ARMC2: variants seen among roughly 807,000 people sequenced by gnomAD.
ARMC2 encodes the protein armadillo repeat containing 2, also known as armadillo repeat-containing protein 2.
Under a neutral mutation model 90.3 loss-of-function variants are expected in ARMC2, and 67 were observed. The ratio of observed to expected loss-of-function variants is 0.74; its 90% CI spans 0.61 to 0.91. The LOEUF (loss-of-function observed/expected upper bound fraction) is 0.91. Among genes scored for constraint, ARMC2 ranks in the 40% least tolerant of loss-of-function variants. The pLI is 0.00. For missense variants in ARMC2, 920 were observed against 1,030.9 expected, an observed-to-expected ratio of 0.89 and a Z score of 1.47; for synonymous variants, 393 against 393.0, an observed-to-expected ratio of 1.00 and a Z score of 0.00.
chr6:108,972,993 C>T (rs1376684636), intron 17 of ARMC2, among the ~76,000 whole-genome samples: 1 of 151,980 alleles, frequency 6.6e-6, no homozygotes, highest in Non-Finnish European at 1.5e-5. Context: ...AAAATATTGC[C>T]CATTTAAATT....
At chr6:108,964,411 ATT>A in intron 16 of ARMC2, 99 bp downstream of exon 16, 2 of 1,368,082 alleles carry the variant, frequency 1.5e-6, no homozygotes, top group South Asian at 2.9e-5. Context: ...GGGCAAAGGT[ATT>A]TCAACATTGG....
chr6:109,046,294 G>A, the ARMC2 span, among the ~76,000 whole-genome samples: 5,417 of 150,682 alleles, frequency 0.036, 164 homozygotes, highest in African/African-American at 0.078. Flanking sequence ...TGTGTTGGCC[G>A]GGCCGGTCTC....
At chr6:109,006,170 A>G in the ARMC2 span, among the ~76,000 whole-genome samples, 1 of 152,232 alleles carries the variant, frequency 6.6e-6, no homozygotes, top group South Asian at 2.1e-4. Context: ...TAAAGTTTAG[A>G]AAGAGTATTT....
At chr6:108,989,395 A>C in the ARMC2 span, among the ~76,000 whole-genome samples, 21 of 150,830 alleles carry the variant, frequency 1.4e-4, no homozygotes, top group Non-Finnish European at 2.5e-4. Context: ...CTCTCTCTCT[A>C]TATATAGATA....
chr6:108,852,731 G>A (rs1329795774), intron 1 of ARMC2, among the ~76,000 whole-genome samples: 2 of 152,152 alleles, frequency 1.3e-5, no homozygotes, highest in African/African-American at 4.8e-5. Flanking sequence ...TGAGGCCAAA[G>A]GGGTGGCAAA....
rs1477780921 is a variant in ARMC2, at chr6:108,868,321, A to G, written c.292-503A>G. 3.3e-5 allele frequency among the ~76,000 whole-genome samples: 5 copies of G among 152,166 alleles called. No homozygotes were observed. The East Asian group carries it at 7.8e-4, about 24-fold the overall frequency. ...AACCTCCAACTCCTGGGTTCAAGCA[A>G]TTCTCCTGCCTCAGCCTACTGAGTA... On this transcript the variant is annotated intron_variant, in intron 3 of 17. Coordinates refer to ENST00000392644, the MANE Select transcript of ARMC2 (RefSeq NM_032131.6).
In ARMC2 at chr6:108,953,281, C is replaced by A. The variant is rs757754475; in HGVS notation, c.1845C>A (p.Ala615=). ...TGACTCGTGTGCTGGCCAACATTGC[C>A]ATCCACCCGGGCGTGGGCCCGGTGC... is the stretch of plus-strand genomic sequence containing the variant. ...IKLTRVLANI[A]IHPGVGPVLA... Residue 615 remains alanine, a synonymous_variant, in exon 13 of 18, where the codon GCC becomes GCA. Transcript: ENST00000392644. 2 of 1,612,698 alleles carry A rather than the reference C, an allele frequency of 1.2e-6. No homozygotes were observed. The highest frequency in any genetic ancestry group is 1.7e-6 in the Non-Finnish European group (2 of 1,179,880).
intron 12 of ARMC2, among the ~76,000 whole-genome samples, 167 bp downstream of exon 12, chr6:108,937,166 AAGG>A (rs1776021938): frequency 1.3e-5 from 2 of 152,196 alleles, no homozygotes. Flanking sequence ...ATAGGAGTTG[AAGG>A]AGTTATATGA....
the ARMC2 span, among the ~76,000 whole-genome samples, chr6:108,986,121 T>G: frequency 6.6e-6 from 1 of 152,218 alleles, no homozygotes; most frequent in Non-Finnish European, 1.5e-5. Flanking sequence ...TATTTCTACT[T>G]GTCTGATGAG....
chr6:108,874,439 A>G (rs1776741238), intron 4 of ARMC2, among the ~76,000 whole-genome samples: 1 of 152,246 alleles, frequency 6.6e-6, no homozygotes. Flanking sequence ...ACGGTAGGCT[A>G]AAAATACTTT....
At chr6:108,873,357 A>T (rs1210741890) in intron 4 of ARMC2, among the ~76,000 whole-genome samples, 2 of 151,790 alleles carry the variant, frequency 1.3e-5, no homozygotes, top group African/African-American at 4.8e-5. Context: ...GTGGCGGGGG[A>T]TGACATCCCA....
chr6:109,052,985 G>A, the ARMC2 span, among the ~76,000 whole-genome samples: 1 of 152,048 alleles, frequency 6.6e-6, no homozygotes, highest in African/African-American at 2.4e-5. Context: ...TAAATGTTAG[G>A]AATAAGAGGT....
intron 3 of ARMC2, among the ~76,000 whole-genome samples, chr6:108,862,594 A>AT (rs1480863215): frequency 6.6e-6 from 1 of 151,914 alleles, no homozygotes; most frequent in African/African-American, 2.4e-5. Flanking sequence ...TTATCACTTC[A>AT]TTTTTTTAAA....
At chr6:108,970,494 CTTTT>C (rs1156823883) in intron 17 of ARMC2, among the ~76,000 whole-genome samples, 2 of 117,340 alleles carry the variant, frequency 1.7e-5, no homozygotes, top group Non-Finnish European at 1.8e-5. Context: ...CTTCTCTTTT[CTTTT>C]TTTTTTTTTT....
At chr6:108,989,373 TAC>T in the ARMC2 span, among the ~76,000 whole-genome samples, 1 of 151,974 alleles carries the variant, frequency 6.6e-6, no homozygotes, top group Non-Finnish European at 1.5e-5. Context: ...TTGTTATTGG[TAC>T]TAGTACTTTC....
At chr6:109,042,595 C>T in the ARMC2 span, among the ~76,000 whole-genome samples, 3 of 150,742 alleles carry the variant, frequency 2.0e-5, no homozygotes, top group Admixed American at 2.0e-4. Flanking sequence ...ACATTCTATA[C>T]TCATACATTT....
the ARMC2 span, among the ~76,000 whole-genome samples, chr6:108,989,522 G>T: frequency 7.6e-6 from 1 of 131,988 alleles, no homozygotes; most frequent in Non-Finnish European, 1.6e-5. Flanking sequence ...TATATAGAGA[G>T]ATATCTATAG....
intron 6 of ARMC2, among the ~76,000 whole-genome samples, 152 bp downstream of exon 6, chr6:108,894,695 T>C (rs1188535011): frequency 6.6e-6 from 1 of 152,130 alleles, no homozygotes; most frequent in East Asian, 1.9e-4. Flanking sequence ...TTTTATTATA[T>C]TCATACAATG....
intron 16 of ARMC2, 95 bp downstream of exon 16, chr6:108,964,407 A>G: frequency 7.1e-7 from 1 of 1,406,572 alleles, no homozygotes; most frequent in South Asian, 1.4e-5. Context: ...TGTGGGGCAA[A>G]GGTATTTCAA....
Sources: allele counts gnomAD v4.1 joint callset (sites outside exome capture counted in the v4.1 genomes callset), GRCh38; gene constraint gnomAD v4.1.1; transcripts MANE v1.5; gene names NCBI Gene and HGNC (gene_info 2026-07-23, HGNC 2026-07-21).